Variants in ROCK2 observed in about 807,000 individuals in gnomAD.
ROCK2 encodes the protein Rho associated coiled-coil containing protein kinase 2, also known as rho-associated protein kinase 2.
Under a neutral mutation model 195.1 loss-of-function variants are expected in ROCK2, and 61 were observed. The observed-to-expected ratio is 0.31, with a 90% CI of 0.25 to 0.39. The LOEUF is 0.39. Ranked by LOEUF, ROCK2 falls within the 10% of genes least tolerant of loss-of-function variation. ROCK2 has a pLI of 1.00. For missense variants in ROCK2, 1,109 were observed against 1,637.4 expected, an observed-to-expected ratio of 0.68 and a Z score of 5.57; for synonymous variants, 504 against 545.5, an observed-to-expected ratio of 0.92 and a Z score of 1.06.
intron 1 of ROCK2, among the ~76,000 whole-genome samples, chr2:11,336,602 T>C (rs1018338838): frequency 6.6e-6 from 1 of 152,216 alleles, no homozygotes; most frequent in African/African-American, 2.4e-5. Context: ...CCAGGACTGA[T>C]GATCCGGTGT....
chr2:11,280,037 T>C (rs1666947245), intron 3 of ROCK2, among the ~76,000 whole-genome samples: 1 of 152,134 alleles, frequency 6.6e-6, no homozygotes, highest in Non-Finnish European at 1.5e-5. Context: ...AAGCAGTGCT[T>C]AATGCACATA....
At chr2:11,276,520 A>G (rs1048707939) in intron 3 of ROCK2, among the ~76,000 whole-genome samples, 5 of 152,250 alleles carry the variant, frequency 3.3e-5, no homozygotes, top group African/African-American at 9.6e-5. Context: ...TAAAGAAGAC[A>G]TAAGTAAATG....
chr2:11,272,554 G>A (rs1203747432), intron 3 of ROCK2, among the ~76,000 whole-genome samples: 1 of 152,148 alleles, frequency 6.6e-6, no homozygotes, highest in Non-Finnish European at 1.5e-5. Flanking sequence ...TTCTGTGACA[G>A]CAACTGGAAA....
chr2:11,210,324 CTTT>C (rs755433244), intron 18 of ROCK2, among the ~76,000 whole-genome samples: 1 of 143,694 alleles, frequency 7.0e-6, no homozygotes. Flanking sequence ...GAAAATAGTC[CTTT>C]TTTTTTTTTT....
intron 32 of ROCK2, among the ~76,000 whole-genome samples, chr2:11,191,266 G>A (rs1663411661): frequency 6.6e-6 from 1 of 152,128 alleles, no homozygotes; most frequent in Non-Finnish European, 1.5e-5. Context: ...GCCAAGAAAT[G>A]GCTATTGTGA....
intron 1 of ROCK2, among the ~76,000 whole-genome samples, chr2:11,323,779 ACT>A (rs1668467100): frequency 6.6e-6 from 1 of 152,036 alleles, no homozygotes; most frequent in Admixed American, 6.6e-5. Context: ...GCCTTCCCCC[ACT>A]ATCAACATCC....
At chr2:11,188,615 TTATTTTTA>T (rs915761266) in intron 32 of ROCK2, among the ~76,000 whole-genome samples, 11 of 114,984 alleles carry the variant, frequency 9.6e-5, no homozygotes, top group South Asian at 9.1e-4. Context: ...TAGTCTTATT[TTATTTTTA>T]TTTTTTTATT....
At chr2:11,322,735 A>T (rs765567432) in intron 1 of ROCK2, among the ~76,000 whole-genome samples, 9 of 152,212 alleles carry the variant, frequency 5.9e-5, no homozygotes, top group Non-Finnish European at 1.2e-4. Flanking sequence ...TATGTGGTAG[A>T]AAGTTAAAAA....
chr2:11,191,751 A>C (rs1572220992), intron 32 of ROCK2, among the ~76,000 whole-genome samples: 2 of 152,220 alleles, frequency 1.3e-5, no homozygotes, highest in East Asian at 3.8e-4. Context: ...AAGTATAACA[A>C]AACCATTTTC....
At chr2:11,286,849 CACT>C (rs1667212385) in intron 2 of ROCK2, among the ~76,000 whole-genome samples, 2 of 152,006 alleles carry the variant, frequency 1.3e-5, no homozygotes, top group South Asian at 4.1e-4. Context: ...AAATGAACAC[CACT>C]GACTGCCAAA....
intron 28 of ROCK2, among the ~76,000 whole-genome samples, chr2:11,194,689 T>A (rs1490231281): frequency 6.6e-6 from 1 of 152,094 alleles, no homozygotes; most frequent in Non-Finnish European, 1.5e-5. Flanking sequence ...TTTTACTATA[T>A]TCACAGTTCT....
At chr2:11,269,310 G>A (rs1666539757) in intron 3 of ROCK2, among the ~76,000 whole-genome samples, 1 of 152,014 alleles carries the variant, frequency 6.6e-6, no homozygotes, top group Non-Finnish European at 1.5e-5. Context: ...TCAGGAGTTT[G>A]AGACCAGCCT....
chr2:11,277,317 C>T (rs1238879540), intron 3 of ROCK2, among the ~76,000 whole-genome samples: 1 of 152,224 alleles, frequency 6.6e-6, no homozygotes, highest in African/African-American at 2.4e-5. Flanking sequence ...AACCTTCTGG[C>T]AACCACCAAT....
At chr2:11,229,592 C>A (rs1664931028) in intron 5 of ROCK2, among the ~76,000 whole-genome samples, 2 of 144,050 alleles carry the variant, frequency 1.4e-5, no homozygotes, top group Non-Finnish European at 3.0e-5. Context: ...TAAAACCAAT[C>A]AGGATGTGGG....
chr2:11,190,013 A>AATC (rs1436963785), intron 32 of ROCK2, among the ~76,000 whole-genome samples: 2 of 152,060 alleles, frequency 1.3e-5, no homozygotes, highest in Non-Finnish European at 2.9e-5. Context: ...TAATAATAAT[A>AATC]ATAAAATGCA....
At position 11,240,454 on chromosome 2, in the gene ROCK2, C is replaced by CA. The variant is rs1665382894; in HGVS notation, c.463-4493dup. Reference sequence around the variant, plus strand: ...AGCACTAAAAAGGGATGAAGTATAACAAACGTTACAATGTGGATGAACCTT... The same window carrying CA: ...AGCACTAAAAAGGGATGAAGTATAACAAAACGTTACAATGTGGATGAACCTT... On this transcript the variant is annotated intron_variant, in intron 4 of 32. Coordinates refer to ENST00000315872, the MANE Select transcript of ROCK2 (RefSeq NM_004850.5). Among the ~76,000 whole-genome samples, 14 of 152,306 alleles carry CA rather than the reference C, an allele frequency of 9.2e-5. No individual in the cohort carries two copies. The South Asian group carries it at 2.9e-3, about 32-fold the overall frequency.
In ROCK2 at chr2:11,193,778, C is replaced by T; in HGVS notation, c.3687+1G>A. The T allele has an allele frequency of 6.4e-7, 1 of 1,561,918 alleles. No individual in the cohort carries two copies. Among genetic ancestry groups the T allele is most frequent in the South Asian group, 1.2e-5 (1 of 86,030 alleles). The stretch of plus-strand genomic sequence containing the variant: ...CCAAATATAAACAAAACTATGTTTA[C>T]CTGGAATATCCTTGGAATTTCTTTA... On this transcript the variant is annotated splice_donor_variant, in intron 30 of 32. Coordinates refer to ENST00000315872, the MANE Select transcript of ROCK2 (RefSeq NM_004850.5). LOFTEE classifies it high-confidence loss of function.
At position 11,286,608 on chromosome 2, in the gene ROCK2, T is replaced by C. The variant is rs56070302; in HGVS notation, c.255A>G (p.Leu85=). The C allele has an allele frequency of 0.046, 73,717 of 1,607,790 alleles. 2,453 individuals carry two copies. The highest frequency in any genetic ancestry group is 0.05 in the Non-Finnish European group (59,241 of 1,175,370). ...CATCATAGTCTTCTGCCTTCATCTG[T>C]AGACCTCTGATTTTTTTCACAATTT... ...YEKIVKKIRG[L]QMKAEDYDVV... is the part of the protein sequence containing the mutation. Residue 85 remains leucine (L), a synonymous_variant, in exon 3 of 33, where the codon CTA becomes CTG. Transcript: ENST00000315872.
chr2:11,266,936 A>G (rs1011818693), intron 3 of ROCK2, among the ~76,000 whole-genome samples: 2 of 152,206 alleles, frequency 1.3e-5, no homozygotes, highest in African/African-American at 4.8e-5. Flanking sequence ...AAATTTTGAG[A>G]TGAAAAATTA....
Sources: allele counts gnomAD v4.1 joint callset (sites outside exome capture counted in the v4.1 genomes callset), GRCh38; gene constraint gnomAD v4.1.1; transcripts MANE v1.5; gene names NCBI Gene and HGNC (gene_info 2026-07-23, HGNC 2026-07-21).